The following CPSF2 variants were observed in gnomAD, a reference collection of about 807,000 sequenced individuals.
CPSF2 encodes the protein cleavage and polyadenylation specificity factor subunit 2.
Under a neutral mutation model 84.2 loss-of-function variants are expected in CPSF2, and 51 were observed. The observed-to-expected ratio is 0.61, with a 90% CI of 0.48 to 0.77. CPSF2 has a LOEUF of 0.77. Among genes scored for constraint, CPSF2 ranks in the 30% least tolerant of loss-of-function variants. The pLI is 0.00. For synonymous variants in CPSF2, 286 were observed against 311.9 expected (o/e 0.92, Z 0.87); for missense variants, 641 against 929.4 (o/e 0.69, Z 4.03).
chr14:92,135,590 C>A, intron 6 of CPSF2, 94 bp downstream of exon 6: 2 of 1,347,794 alleles, frequency 1.5e-6, no homozygotes, highest in Non-Finnish European at 2.0e-6. Flanking sequence ...GTTTTGGTTA[C>A]CAGAAATTTA....
intron 7 of CPSF2, among the ~76,000 whole-genome samples, chr14:92,139,427 A>G (rs553386430): frequency 7.2e-5 from 11 of 151,916 alleles, no homozygotes; most frequent in Non-Finnish European, 1.0e-4. Context: ...AAAAAAAAAA[A>G]GAAAAATGAA....
intron 1 of CPSF2, among the ~76,000 whole-genome samples, chr14:92,124,496 G>A (rs542237316): frequency 1.3e-5 from 2 of 152,286 alleles, no homozygotes; most frequent in East Asian, 1.9e-4. Flanking sequence ...TTTTTAGTCT[G>A]GGAGAGTAAA....
In CPSF2 at chr14:92,134,417, CGAG is replaced by C. The variant is rs1006086815; in HGVS notation, c.415+66_415+68del. ...TGGGGTTTAACTTGCTGGAAAATAC[CGAG>C]GAGAATTCAGAGAGAAAATTATAGG... On this transcript the variant is annotated intron_variant, in intron 5 of 15. Transcript: ENST00000298875. 1.8e-4 allele frequency: 201 copies of C among 1,137,550 alleles called. 1 individual carries two copies. Among genetic ancestry groups the C allele is most frequent in the Non-Finnish European group, 2.4e-4 (183 of 774,984 alleles). 70.5% of individuals were successfully genotyped at this position (1,137,550 alleles called of 1,614,324 possible).
intron 6 of CPSF2, among the ~76,000 whole-genome samples, chr14:92,136,345 T>C (rs1036154045): frequency 6.6e-6 from 1 of 151,776 alleles, no homozygotes. Context: ...GGCAAAAGAG[T>C]GAGGGTCGTG....
At chr14:92,139,703 T>C (rs927708165) in intron 7 of CPSF2, among the ~76,000 whole-genome samples, 1 of 151,354 alleles carries the variant, frequency 6.6e-6, no homozygotes, top group South Asian at 2.1e-4. Context: ...CATGCCCAGC[T>C]AATTTTTATA....
intron 3 of CPSF2, among the ~76,000 whole-genome samples, chr14:92,133,137 T>G (rs10130131): frequency 6.6e-6 from 1 of 151,324 alleles, no homozygotes. Flanking sequence ...AATCAACTTA[T>G]GGCCGGGCGT....
chr14:92,155,770 T>TA (rs33988625), intron 11 of CPSF2, among the ~76,000 whole-genome samples: 21 of 146,120 alleles, frequency 1.4e-4, no homozygotes, highest in Admixed American at 1.4e-4. Context: ...TCTCTATCTT[T>TA]AAAAAAAAAA....
At chr14:92,148,606 T>C (rs2069172296) in intron 9 of CPSF2, among the ~76,000 whole-genome samples, 1 of 152,024 alleles carries the variant, frequency 6.6e-6, no homozygotes, top group South Asian at 2.1e-4. Flanking sequence ...TTCTGGGTTT[T>C]TTTTTTCTTA....
chr14:92,148,360 G>A (rs143237435), intron 9 of CPSF2, among the ~76,000 whole-genome samples: 4 of 152,106 alleles, frequency 2.6e-5, no homozygotes, highest in African/African-American at 9.7e-5. Context: ...TTGCCAGTGT[G>A]TGTTACCTAA....
chr14:92,152,044 A>T (rs1013103165), intron 9 of CPSF2, among the ~76,000 whole-genome samples: 1 of 150,308 alleles, frequency 6.7e-6, no homozygotes, highest in African/African-American at 2.4e-5. Context: ...TCTTCCCACT[A>T]TCTTTTTTTT....
intron 3 of CPSF2, among the ~76,000 whole-genome samples, chr14:92,133,314 G>A (rs533852568): frequency 6.6e-6 from 1 of 151,944 alleles, no homozygotes; most frequent in South Asian, 2.1e-4. Context: ...AGCTACTCGG[G>A]AGGCTGAGGC....
Position 92,142,949 on chromosome 14 carries a change from T to C in CPSF2, c.850-55T>C. 2.9e-6 allele frequency: 4 copies of C among 1,388,692 alleles called. No homozygotes were observed. In the South Asian group the frequency reaches 5.5e-5, roughly 19 times the overall value. 86.0% of individuals were successfully genotyped at this position (1,388,692 alleles called of 1,614,324 possible). ...TGAATTCCTTGACTATTAGAGAATA[T>C]ATTGAAGTTATAATATAGTATTTCT... On this transcript the variant is annotated intron_variant, in intron 8 of 15. Transcript: ENST00000298875.
Position 92,134,061 on chromosome 14 carries a change from A to G in CPSF2, c.200A>G (p.His67Arg), listed in dbSNP as rs1256759171. 1 of 1,613,998 alleles carries G rather than the reference A, an allele frequency of 6.2e-7. No individual in the cohort carries two copies. Among genetic ancestry groups the G allele is most frequent in the Non-Finnish European group, 8.5e-7 (1 of 1,180,022 alleles). ...CTGTTGTCTCACCCTGATCCTCTCC[A>G]CCTTGGTGCCCTCCCGTATGCTGTC... is the stretch of plus-strand genomic sequence containing the variant. ...AVLLSHPDPL[H>R]LGALPYAVGK... is the part of the protein sequence containing the mutation. Residue 67 changes from histidine to arginine, a missense_variant, in exon 4 of 16, where the codon CAC (histidine) becomes CGC (arginine). Physicochemically the swap from His to Arg is conservative, Grantham distance 29. Transcript: ENST00000298875.
intron 9 of CPSF2, among the ~76,000 whole-genome samples, chr14:92,143,537 C>G (rs1215304947): frequency 6.7e-6 from 1 of 150,086 alleles, no homozygotes; most frequent in Non-Finnish European, 1.5e-5. Flanking sequence ...ACCCACCCCC[C>G]ATCTCTTAAA....
chr14:92,151,437 A>T (rs12434884), intron 9 of CPSF2, among the ~76,000 whole-genome samples: 17,631 of 97,618 alleles, frequency 0.18, 1,011 homozygotes, highest in East Asian at 0.43. Flanking sequence ...TAAGATACAT[A>T]AAAAAAAAAA....
intron 1 of CPSF2, among the ~76,000 whole-genome samples, chr14:92,122,610 T>C (rs1037528727): frequency 2.0e-5 from 3 of 152,200 alleles, no homozygotes; most frequent in Non-Finnish European, 4.4e-5. Flanking sequence ...TGTACCACAC[T>C]GTACTAAAAG....
intron 9 of CPSF2, among the ~76,000 whole-genome samples, chr14:92,150,986 T>A (rs796692309): frequency 1.3e-5 from 2 of 152,366 alleles, no homozygotes; most frequent in African/African-American, 4.8e-5. Flanking sequence ...AATGTGATTT[T>A]AAAAATATTG....
rs117009742 is a variant in CPSF2 at position 92,157,767 on chromosome 14, A to G, written c.1704A>G (p.Pro568=). The G allele has an allele frequency of 6.3e-5, 101 of 1,613,942 alleles. 1 individual carries two copies. In the East Asian group the frequency reaches 2.2e-3, roughly 35 times the overall value. The change falls in exon 13 of 16, where the codon CCA becomes CCG. Residue 568 remains proline (P), a synonymous_variant. Coordinates refer to ENST00000298875, the MANE Select transcript of CPSF2 (RefSeq NM_017437.3). This position sits in a 1 kb window ranked among gnomAD's most constrained non-coding sequence, Gnocchi z 4.0. ...AGTTGATCATCGTCCATGGCCCACC[A>G]GAGGCCAGTCAAGATCTGGCAGAGT... ...PRQLIIVHGP[P]EASQDLAECC...
Position 92,159,195 on chromosome 14 carries a change from C to G in CPSF2, c.2034C>G (p.Ala678=). The G allele has an allele frequency of 6.2e-7, 1 of 1,613,882 alleles. No individual in the cohort carries two copies. ...SDSSVIAQQK[A]MKSLFGDDEK... ...CTAGCGTTATAGCACAACAAAAGGCCATGAAAAGTCTGTTCGGAGATGATG... is the reference window on the plus strand; with the variant it reads ...CTAGCGTTATAGCACAACAAAAGGCGATGAAAAGTCTGTTCGGAGATGATG... The change falls in exon 14 of 16, where the codon GCC becomes GCG. Residue 678 remains alanine (A), a synonymous_variant. Transcript: ENST00000298875.
Sources: allele counts gnomAD v4.1 joint callset (sites outside exome capture counted in the v4.1 genomes callset), GRCh38; gene constraint gnomAD v4.1.1; non-coding constraint Gnocchi (gnomAD v3.1); transcripts MANE v1.5; gene names NCBI Gene and HGNC (gene_info 2026-07-23, HGNC 2026-07-21).